Variants in FAM133A observed in about 807,000 individuals in gnomAD.
FAM133A encodes family with sequence similarity 133 member A, also known as protein FAM133A.
For missense variants in FAM133A, 159 were observed against 164.4 expected (o/e 0.97, Z 0.18); for synonymous variants, 65 against 58.6 (o/e 1.11, Z -0.50).
Position 93,711,337 on chromosome X carries a change from T to C in FAM133A, c.*1171T>C, listed in dbSNP as rs1358871269. ...AAAAGATTGTTGTCTTAAGCATTAA[T>C]ATTGAATTTATATAGAAGTTAAATG... On this transcript the variant is annotated 3_prime_UTR_variant, in exon 4 of 4. Transcript: ENST00000683942. The C allele has an allele frequency of 8.1e-6, 1 of 122,786 alleles. No individual in the cohort carries two copies. The highest frequency in any genetic ancestry group is 3.3e-5 in the African/African-American group (1 of 30,724). 10.1% of individuals were successfully genotyped at this position (122,786 alleles called of 1,213,427 possible).
At chrX:93,704,491 C>A (rs1926916866) in intron 3 of FAM133A, among the ~76,000 whole-genome samples, 1 of 111,270 alleles carries the variant, frequency 9.0e-6, no homozygotes, top group Admixed American at 9.6e-5. Context: ...CAGATTAAGG[C>A]TTAGAGGAAT....
At chrX:93,703,104 G>C (rs1049625059) in intron 3 of FAM133A, among the ~76,000 whole-genome samples, 4 of 111,362 alleles carry the variant, frequency 3.6e-5, no homozygotes, top group African/African-American at 1.3e-4. Flanking sequence ...CAACAGAATC[G>C]CTTGAGCCCA....
At position 93,698,416 on chromosome X, in the gene FAM133A, C is replaced by T. The variant is rs1161011935; in HGVS notation, c.-173C>T. On this transcript the variant is annotated 5_prime_UTR_variant, in exon 3 of 4. Coordinates refer to ENST00000683942, the MANE Select transcript of FAM133A (RefSeq NM_001171109.2). ...TAAAAGTGGAGAACCTGAAAAGGAA[C>T]CTGGAAAGAAGCAGCTGGAAAAGGT... 1 of 111,349 alleles carries T rather than the reference C, an allele frequency of 9.0e-6. No individual in the cohort carries two copies. The highest frequency in any genetic ancestry group is 3.7e-4 in the South Asian group (1 of 2,682). The allele number at this position is 111,349 out of a possible 1,213,427, so 9.2% of individuals were successfully genotyped here.
At chrX:93,699,173 A>C (rs1926521495) in intron 3 of FAM133A, among the ~76,000 whole-genome samples, 1 of 111,427 alleles carries the variant, frequency 9.0e-6, no homozygotes, top group African/African-American at 3.3e-5. Flanking sequence ...TGGCTAAATT[A>C]TTTAGGTTGG....
chrX:93,708,342 G>A (rs1220682181), intron 3 of FAM133A, among the ~76,000 whole-genome samples: 4 of 111,767 alleles, frequency 3.6e-5, no homozygotes, highest in Non-Finnish European at 5.7e-5. Flanking sequence ...ATAGGAGATT[G>A]GATTTGTTTT....
At chrX:93,709,216 T>C (rs893357684) in intron 3 of FAM133A, 101 bp from the exon 4 acceptor site, 5 of 444,780 alleles carry the variant, frequency 1.1e-5, no homozygotes, top group Non-Finnish European at 1.6e-5. Flanking sequence ...TGGAAATTTC[T>C]ACTGTACTGT....
At chrX:93,688,231 G>C (rs1318394347) in intron 2 of FAM133A, among the ~76,000 whole-genome samples, 1 of 109,177 alleles carries the variant, frequency 9.2e-6, no homozygotes, top group Non-Finnish European at 1.9e-5. Context: ...GTTTTTTAAG[G>C]CACCACCAAA....
At chrX:93,706,588 A>G (rs1490774292) in intron 3 of FAM133A, among the ~76,000 whole-genome samples, 2 of 111,672 alleles carry the variant, frequency 1.8e-5, no homozygotes, top group African/African-American at 6.5e-5. Flanking sequence ...TAGGCACTTC[A>G]AACTTCAGGA....
rs1602863371 is a variant in FAM133A, at chrX:93,712,230, T to G, written c.*2064T>G. ...GAGTGCTGATGGACTTGCAGTAAAC[T>G]TTTTAAGTGTAAGAAATAAACTGTT... On this transcript the variant is annotated 3_prime_UTR_variant, in exon 4 of 4. Transcript: ENST00000683942. 8.1e-6 allele frequency: 1 copy of G among 123,583 alleles called. No homozygotes were observed. The highest frequency in any genetic ancestry group is 1.9e-5 in the Non-Finnish European group (1 of 53,293). The allele number at this position is 123,583 out of a possible 1,213,427, so 10.2% of individuals were successfully genotyped here.
At chrX:93,705,517 A>G (rs1006673051) in intron 3 of FAM133A, among the ~76,000 whole-genome samples, 2 of 111,576 alleles carry the variant, frequency 1.8e-5, no homozygotes, top group Non-Finnish European at 3.8e-5. Context: ...ACCCTCTCCC[A>G]TTCTCTGTTG....
rs758358908 is a variant in FAM133A, at chrX:93,710,256, T to A, written c.*90T>A. ...CTTTGAGTTGCCTATCAAATCCCAC[T>A]GTGCCAGTAAGGGGCATAGTGGCTG... On this transcript the variant is annotated 3_prime_UTR_variant, in exon 4 of 4. Transcript: ENST00000683942. 9.7e-7 allele frequency: 1 copy of A among 1,027,886 alleles called. No individual in the cohort carries two copies. Among genetic ancestry groups the A allele is most frequent in the South Asian group, 2.9e-5 (1 of 33,899 alleles). The allele number at this position is 1,027,886 out of a possible 1,213,427, so 84.7% of individuals were successfully genotyped here. A position where few individuals can be genotyped will look rare whatever the true frequency, so the allele number is the denominator to read the frequency against.
chrX:93,680,530 T>A (rs1051308942), intron 2 of FAM133A, among the ~76,000 whole-genome samples: 1 of 111,502 alleles, frequency 9.0e-6, no homozygotes, highest in Non-Finnish European at 1.9e-5. Context: ...CATACTGTTT[T>A]CCATAATGGC....
intron 3 of FAM133A, among the ~76,000 whole-genome samples, chrX:93,701,661 G>A (rs910082426): frequency 8.1e-5 from 9 of 111,782 alleles, no homozygotes; most frequent in Non-Finnish European, 1.7e-4. Context: ...AAAGTTACTA[G>A]TGAGTATCCA....
chrX:93,684,053 G>A (rs1569345931), intron 2 of FAM133A, among the ~76,000 whole-genome samples: 1 of 111,418 alleles, frequency 9.0e-6, no homozygotes, highest in Non-Finnish European at 1.9e-5. Flanking sequence ...GTGTTTTTGA[G>A]GTCTTATTCA....
intron 2 of FAM133A, among the ~76,000 whole-genome samples, chrX:93,683,211 CTGTT>C (rs1417158986): frequency 8.9e-6 from 1 of 111,768 alleles, no homozygotes; most frequent in Admixed American, 9.5e-5. Flanking sequence ...ATTAAAATGT[CTGTT>C]TATTTAACCC....
intron 2 of FAM133A, among the ~76,000 whole-genome samples, chrX:93,684,975 A>G (rs1925418215): frequency 9.0e-6 from 1 of 111,655 alleles, no homozygotes; most frequent in African/African-American, 3.3e-5. Flanking sequence ...TACAATTTTT[A>G]AAGAGCTTAT....
chrX:93,710,003 C>T lies in FAM133A; in HGVS notation c.584C>T (p.Ser195Leu), dbSNP rs767986309. Residue 195 changes from serine to leucine, a missense_variant, in exon 4 of 4, where the codon TCA (serine) becomes TTA (leucine). Physicochemically the swap from Ser to Leu is moderately radical, Grantham distance 145 (BLOSUM62 -2). Transcript: ENST00000683942. ...PDDKPLSSES[S>L]SESDYEEDVQ... is the part of the protein sequence containing the mutation. ...GATAAACCTTTATCATCTGAGTCCTCATCTGAATCAGATTATGAAGAGGAT... is the reference window on the plus strand; with the variant it reads ...GATAAACCTTTATCATCTGAGTCCTTATCTGAATCAGATTATGAAGAGGAT... 6.3e-5 allele frequency: 76 copies of T among 1,200,358 alleles called. No homozygotes were observed. The highest frequency in any genetic ancestry group is 2.4e-5 in the Non-Finnish European group (21 of 891,637).
intron 3 of FAM133A, among the ~76,000 whole-genome samples, chrX:93,708,853 T>C (rs1927222288): frequency 9.0e-6 from 1 of 111,658 alleles, no homozygotes; most frequent in Non-Finnish European, 1.9e-5. Flanking sequence ...TAGTAATGTA[T>C]TGGATTTGAC....
chrX:93,687,278 G>A (rs889212394), intron 2 of FAM133A, among the ~76,000 whole-genome samples: 2 of 111,395 alleles, frequency 1.8e-5, no homozygotes, highest in Non-Finnish European at 3.8e-5. Flanking sequence ...TTATAAGTGG[G>A]AGCTAAGTGT....
Sources: allele counts gnomAD v4.1 joint callset (sites outside exome capture counted in the v4.1 genomes callset), GRCh38; gene constraint gnomAD v4.1.1; transcripts MANE v1.5; gene names NCBI Gene and HGNC (gene_info 2026-07-23, HGNC 2026-07-21).